Variants in ACAT2 observed in about 807,000 individuals in gnomAD.
ACAT2 encodes acetyl-CoA acetyltransferase 2, also known as acetyl-CoA acetyltransferase, cytosolic.
Under a neutral mutation model 37.1 loss-of-function variants are expected in ACAT2, and 26 were observed. That is an observed-to-expected ratio of 0.70 (90% CI 0.51 to 0.97). The LOEUF (loss-of-function observed/expected upper bound fraction) is 0.97. ACAT2 is among the 50% of genes least tolerant of loss of function. ACAT2 has a pLI of 0.00. For synonymous variants in ACAT2, 156 were observed against 163.6 expected (o/e 0.95, Z 0.35); for missense variants, 468 against 489.0 (o/e 0.96, Z 0.40).
chr6:159,773,688 A>T, intron 4 of ACAT2, among the ~76,000 whole-genome samples: 1 of 152,214 alleles, frequency 6.6e-6, no homozygotes. Context: ...GCAAATAAGT[A>T]ATGATAGTAA....
rs1253852178 is a variant in ACAT2, at chr6:159,762,074, G to T, written c.-14G>T. The T allele has an allele frequency of 1.4e-5, 23 of 1,612,554 alleles. 1 individual carries two copies. The African/African-American group carries it at 1.7e-4, about 12-fold the overall frequency. On this transcript the variant is annotated 5_prime_UTR_variant, in exon 1 of 9. Coordinates refer to ENST00000367048, the MANE Select transcript of ACAT2 (RefSeq NM_005891.3). ...TGCAGGCAGCGCAGGGCAGACGGCG[G>T]CAGGAGAAGCAAGATGAATGCAGGC...
At chr6:159,778,344 T>G in intron 8 of ACAT2, 64 bp downstream of exon 8, 2 of 1,208,118 alleles carry the variant, frequency 1.7e-6, no homozygotes, top group East Asian at 2.5e-5. Flanking sequence ...TTTAAGATAG[T>G]ATCTTCTAGG....
chr6:159,775,341 C>T (rs746310398), intron 5 of ACAT2, 28 bp downstream of exon 5: 3 of 1,600,216 alleles, frequency 1.9e-6, no homozygotes, highest in Non-Finnish European at 2.6e-6. Flanking sequence ...GTTTAAACAT[C>T]AACCTATTTA....
At chr6:159,778,560 G>A (rs549371533) in intron 8 of ACAT2, 99 bp from the exon 9 acceptor site, 1 of 1,334,358 alleles carries the variant, frequency 7.5e-7, no homozygotes, top group Non-Finnish European at 1.0e-6. Flanking sequence ...GAGTTTGAAA[G>A]GGTAGCATGC....
Position 159,776,318 on chromosome 6 carries a change from T to C in ACAT2, c.757+46T>C, listed in dbSNP as rs756160187. 24 of 1,594,200 alleles carry C rather than the reference T, an allele frequency of 1.5e-5. No homozygotes were observed. In the Middle Eastern group the frequency reaches 6.7e-4, roughly 45 times the overall value. On this transcript the variant is annotated intron_variant, in intron 6 of 8. Transcript: ENST00000367048. ...TCTGGGGGAATACTATGTTCTATAA[T>C]GTCTACCGAGTGAATATTTTTCTCT... is the stretch of plus-strand genomic sequence containing the variant.
At chr6:159,778,533 A>T in intron 8 of ACAT2, 126 bp from the exon 9 acceptor site, 1 of 1,059,382 alleles carries the variant, frequency 9.4e-7, no homozygotes, top group Non-Finnish European at 1.4e-6. Flanking sequence ...ATTCCTAAGC[A>T]GTTAAAATGA....
chr6:159,778,926 C>A lies in ACAT2; in HGVS notation c.*97C>A. On this transcript the variant is annotated 3_prime_UTR_variant, in exon 9 of 9. Coordinates refer to ENST00000367048, the MANE Select transcript of ACAT2 (RefSeq NM_005891.3). ...AGAGGACCAAAGTACAGATGGAAAC[C>A]ATTTCCTACATCACAAAAACCCAAG... 5.1e-6 allele frequency: 8 copies of A among 1,566,644 alleles called. No homozygotes were observed. The highest frequency in any genetic ancestry group is 6.9e-6 in the Non-Finnish European group (8 of 1,151,412).
At chr6:159,775,794 G>A in intron 5 of ACAT2, 1 of 226,380 alleles carries the variant, frequency 4.4e-6, no homozygotes, top group Non-Finnish European at 8.7e-6. Context: ...CTTATGTCCT[G>A]CCAGCAGTGC....
chr6:159,769,193 A>C (rs1247620049), intron 4 of ACAT2, among the ~76,000 whole-genome samples: 1 of 152,248 alleles, frequency 6.6e-6, no homozygotes, highest in Non-Finnish European at 1.5e-5. Context: ...TATGTGAAAA[A>C]GGTAATGGGG....
chr6:159,778,468 A>G, intron 8 of ACAT2, 188 bp downstream of exon 8: 1 of 739,590 alleles, frequency 1.4e-6, no homozygotes, highest in East Asian at 2.8e-5. Flanking sequence ...CTTACTTGGC[A>G]TAAAAGGAAC....
intron 2 of ACAT2, 57 bp from the exon 3 acceptor site, chr6:159,766,948 T>C (rs985328866): frequency 3.1e-6 from 5 of 1,602,108 alleles, no homozygotes; most frequent in Non-Finnish European, 4.3e-6. Context: ...ACACTTTCAC[T>C]GTGACATTTT....
At chr6:159,764,409 G>T (rs1016365507) in intron 2 of ACAT2, among the ~76,000 whole-genome samples, 1 of 151,880 alleles carries the variant, frequency 6.6e-6, no homozygotes, top group African/African-American at 2.4e-5. Flanking sequence ...GATTCTTTGG[G>T]TTTGAACACT....
chr6:159,764,305 C>G (rs1780218847), intron 2 of ACAT2, among the ~76,000 whole-genome samples: 1 of 152,102 alleles, frequency 6.6e-6, no homozygotes, highest in Admixed American at 6.5e-5. Flanking sequence ...CAGTTCTGAG[C>G]TTGGAAAATA....
At chr6:159,767,606 T>C (rs979185009) in intron 3 of ACAT2, among the ~76,000 whole-genome samples, 1 of 152,224 alleles carries the variant, frequency 6.6e-6, no homozygotes, top group Non-Finnish European at 1.5e-5. Flanking sequence ...GTATAGAACA[T>C]GTAAAAGAGG....
rs187954216 is a variant in ACAT2 at position 159,767,554 on chromosome 6, G to A, written c.372+368G>A. ...TGTTGCCACTTACCTTCCTGCACAT[G>A]ACAAGGAGATCCTGGGGACCAGACT... On this transcript the variant is annotated intron_variant, in intron 3 of 8. Transcript: ENST00000367048. 5.3e-5 allele frequency among the ~76,000 whole-genome samples: 8 copies of A among 152,328 alleles called. No homozygotes were observed. In the South Asian group the frequency reaches 6.2e-4, roughly 12 times the overall value.
intron 6 of ACAT2, 107 bp from the exon 7 acceptor site, chr6:159,777,195 C>A: frequency 7.8e-7 from 1 of 1,274,340 alleles, no homozygotes; most frequent in Non-Finnish European, 1.1e-6. Flanking sequence ...AATGCCTTAG[C>A]CAACAGGTAA....
chr6:159,762,938 A>T lies in ACAT2; in HGVS notation c.75A>T (p.Leu25Phe). Residue 25 changes from leucine (L) to phenylalanine (F), a missense_variant, in exon 2 of 9, where the codon TTA (leucine) becomes TTT (phenylalanine). Coordinates refer to ENST00000367048, the MANE Select transcript of ACAT2 (RefSeq NM_005891.3). ...TTGTAGGTTCCTTCAATGGTGCCTT[A>T]GCTGCTGTTCCTGTCCAGGACCTGG... is the stretch of plus-strand genomic sequence containing the variant. ...RTIIGSFNGA[L>F]AAVPVQDLGS... The T allele has an allele frequency of 1.9e-6, 3 of 1,613,296 alleles. No homozygotes were observed. Among genetic ancestry groups the T allele is most frequent in the Non-Finnish European group, 1.7e-6 (2 of 1,179,656 alleles).
intron 4 of ACAT2, among the ~76,000 whole-genome samples, chr6:159,772,160 G>A (rs531670761): frequency 2.4e-4 from 37 of 152,116 alleles, no homozygotes; most frequent in African/African-American, 8.9e-4. Context: ...AAGAGGCGGA[G>A]GTTGCAGTAA....
Position 159,768,550 on chromosome 6 carries a change from G to C in ACAT2, c.412G>C (p.Gly138Arg). 1 of 1,613,942 alleles carries C rather than the reference G, an allele frequency of 6.2e-7. No individual in the cohort carries two copies. The highest frequency in any genetic ancestry group is 8.5e-7 in the Non-Finnish European group (1 of 1,179,884). ...TTACTTGAGAACAGGAGTAAAGATAGGTGAGATGCCACTGACTGACAGTAT... is the reference window on the plus strand; with the variant it reads ...TTACTTGAGAACAGGAGTAAAGATACGTGAGATGCCACTGACTGACAGTAT... ...LAYLRTGVKI[G>R]EMPLTDSILC... Residue 138 changes from glycine to arginine, a missense_variant, in exon 4 of 9, where the codon GGT becomes CGT. By Grantham distance (125) the Gly-to-Arg change is moderately radical (BLOSUM62 -2). Coordinates refer to ENST00000367048, the MANE Select transcript of ACAT2 (RefSeq NM_005891.3).
Sources: gnomAD v4.1 joint callset for allele counts (sites outside exome capture counted in the v4.1 genomes callset) on GRCh38, gnomAD v4.1.1 for gene constraint, MANE v1.5 for transcripts, NCBI Gene and HGNC (gene_info 2026-07-23, HGNC 2026-07-21) for gene names.